The following SLC16A12 variants were observed in gnomAD, a reference collection of about 807,000 sequenced individuals.
The protein encoded by SLC16A12 is monocarboxylate transporter 12.
In SLC16A12, 17 loss-of-function variants were observed where a neutral mutation model predicts 42.4. The observed-to-expected ratio is 0.40, with a 90% CI of 0.27 to 0.60. The LOEUF is 0.60. Among genes scored for constraint, SLC16A12 ranks in the 20% least tolerant of loss-of-function variants. The probability of loss-of-function intolerance (pLI) is 0.42; values close to 1 mark genes in which losing one functional copy is unlikely to be tolerated. For missense variants in SLC16A12, 544 were observed against 623.0 expected, an observed-to-expected ratio of 0.87 and a Z score of 1.35; for synonymous variants, 224 against 229.4, an observed-to-expected ratio of 0.98 and a Z score of 0.21.
chr10:89,506,685 C>G (rs1843066955), intron 2 of SLC16A12, among the ~76,000 whole-genome samples: 1 of 152,142 alleles, frequency 6.6e-6, no homozygotes, highest in South Asian at 2.1e-4. Flanking sequence ...AGGATCACAA[C>G]TCCTCATCAG....
At chr10:89,520,211 G>A (rs767172259) in intron 2 of SLC16A12, among the ~76,000 whole-genome samples, 1 of 151,992 alleles carries the variant, frequency 6.6e-6, no homozygotes, top group Non-Finnish European at 1.5e-5. Context: ...AAACAATCAG[G>A]CTATCTATAT....
chr10:89,498,899 C>A (rs1842959539), intron 2 of SLC16A12, among the ~76,000 whole-genome samples: 1 of 152,166 alleles, frequency 6.6e-6, no homozygotes, highest in African/African-American at 2.4e-5. Context: ...TACAGCTTGG[C>A]TCTCAGGAAG....
At chr10:89,527,337 G>A (rs1028842860) in intron 2 of SLC16A12, among the ~76,000 whole-genome samples, 1 of 152,066 alleles carries the variant, frequency 6.6e-6, no homozygotes, top group Middle Eastern at 3.4e-3. Context: ...ACAAAAATTA[G>A]CCGGGTGTGG....
chr10:89,492,739 T>G (rs1842865224), intron 2 of SLC16A12, among the ~76,000 whole-genome samples: 1 of 151,962 alleles, frequency 6.6e-6, no homozygotes, highest in Non-Finnish European at 1.5e-5. Context: ...GGAGTTTATA[T>G]TCACAAATAT....
chr10:89,540,626 T>C (rs971011718), intron 2 of SLC16A12, among the ~76,000 whole-genome samples: 1 of 152,158 alleles, frequency 6.6e-6, no homozygotes, highest in African/African-American at 2.4e-5. Context: ...AGTGAATATT[T>C]TCACTTGCAT....
intron 3 of SLC16A12, among the ~76,000 whole-genome samples, chr10:89,450,501 G>T (rs560742937): frequency 6.6e-6 from 1 of 152,290 alleles, no homozygotes; most frequent in Non-Finnish European, 1.5e-5. Context: ...GCAAACTATC[G>T]CAAGGACAGA....
In SLC16A12 at chr10:89,542,459, C is replaced by T. The variant is rs540279427; in HGVS notation, c.-47+13423G>A. On this transcript the variant is annotated intron_variant, in intron 2 of 2. Transcript: ENST00000475682. ...CTGGGACTACAGGCATGCACCACCACGTCTGGGTAATCTTTGTATTTTTCA... is the reference window on the plus strand; with the variant it reads ...CTGGGACTACAGGCATGCACCACCATGTCTGGGTAATCTTTGTATTTTTCA... 7.9e-5 allele frequency among the ~76,000 whole-genome samples: 12 copies of T among 152,028 alleles called. No homozygotes were observed. In the South Asian group the frequency reaches 8.3e-4, roughly 11 times the overall value.
At chr10:89,486,043 A>G (rs1842737187) in intron 2 of SLC16A12, among the ~76,000 whole-genome samples, 1 of 152,202 alleles carries the variant, frequency 6.6e-6, no homozygotes, top group Non-Finnish European at 1.5e-5. Flanking sequence ...AACAAGCAGT[A>G]TTTTCTGAAG....
intron 2 of SLC16A12, among the ~76,000 whole-genome samples, chr10:89,474,469 A>C (rs535126897): frequency 6.6e-5 from 10 of 152,378 alleles, no homozygotes; most frequent in Admixed American, 5.2e-4. Context: ...AAGTGTAAAT[A>C]ACTGTCACTA....
rs146225434 is a variant in SLC16A12 at position 89,445,153 on chromosome 10, G to C, written c.201-1294C>G. 2.4e-4 allele frequency among the ~76,000 whole-genome samples: 36 copies of C among 152,362 alleles called. 2 individuals are homozygous for C. The East Asian group carries it at 6.0e-3, about 25-fold the overall frequency. On this transcript the variant is annotated intron_variant, in intron 3 of 7. Coordinates refer to ENST00000371790, the MANE Select transcript of SLC16A12 (RefSeq NM_213606.4). Reference sequence around the variant, plus strand: ...AACCAGACTTCACCTCTGGGGGAGGGCATAGCTGAACAAAAGGGAGCAGAA... The same window carrying C: ...AACCAGACTTCACCTCTGGGGGAGGCCATAGCTGAACAAAAGGGAGCAGAA...
At chr10:89,439,738 C>A (rs572419687) in intron 5 of SLC16A12, among the ~76,000 whole-genome samples, 1 of 152,060 alleles carries the variant, frequency 6.6e-6, no homozygotes, top group South Asian at 2.1e-4. Flanking sequence ...CTCTTAAGGT[C>A]AGCAGACAAA....
At chr10:89,460,384 C>A (rs982344862) in intron 3 of SLC16A12, among the ~76,000 whole-genome samples, 4 of 152,000 alleles carry the variant, frequency 2.6e-5, no homozygotes, top group Non-Finnish European at 5.9e-5. Context: ...AGTCACAATG[C>A]CAAAGGGATA....
At chr10:89,542,306 C>CTTTTTTTTT (rs200847363) in intron 2 of SLC16A12, among the ~76,000 whole-genome samples, 1 of 137,026 alleles carries the variant, frequency 7.3e-6, no homozygotes. Context: ...CTTTTTTTTT[C>CTTTTTTTTT]TTTTTTTTTT....
chr10:89,476,315 A>G (rs1413727945), intron 2 of SLC16A12, among the ~76,000 whole-genome samples: 5 of 151,878 alleles, frequency 3.3e-5, no homozygotes, highest in Non-Finnish European at 7.4e-5. Flanking sequence ...TATTTCCTTC[A>G]CTCTGTAATC....
chr10:89,463,050 C>A, intron 2 of SLC16A12: 1 of 168,708 alleles, frequency 5.9e-6, no homozygotes, highest in Non-Finnish European at 1.3e-5. Context: ...ACCACACAGA[C>A]CAGGACATCA....
intron 2 of SLC16A12, among the ~76,000 whole-genome samples, chr10:89,530,911 A>C (rs7922914): frequency 0.11 from 16,132 of 152,132 alleles, 1,115 homozygotes; most frequent in East Asian, 0.29. Context: ...TTTCATATAA[A>C]TCATACAACA....
chr10:89,525,062 C>CA (rs1028810767), intron 2 of SLC16A12, among the ~76,000 whole-genome samples: 3 of 150,592 alleles, frequency 2.0e-5, no homozygotes, highest in East Asian at 1.9e-4. Flanking sequence ...TACTAAAATA[C>CA]AAAAAAAAAT....
At chr10:89,547,966 CAAAAAAAAAAA>C (rs60543445) in intron 2 of SLC16A12, among the ~76,000 whole-genome samples, 3 of 81,628 alleles carry the variant, frequency 3.7e-5, no homozygotes, top group Non-Finnish European at 7.1e-5. Context: ...CCAGCCTGGG[CAAAAAAAAAAA>C]AAAAAAAAAA....
chr10:89,470,024 G>A (rs303206), intron 2 of SLC16A12, among the ~76,000 whole-genome samples: 74,359 of 151,894 alleles, frequency 0.49, 18,506 homozygotes, highest in Non-Finnish European at 0.53. Context: ...TATTTTTTAA[G>A]AAATCTTCTG....
Sources: allele counts gnomAD v4.1 joint callset (sites outside exome capture counted in the v4.1 genomes callset), GRCh38; gene constraint gnomAD v4.1.1; transcripts MANE v1.5; gene names NCBI Gene and HGNC (gene_info 2026-07-23, HGNC 2026-07-21).